Variants in BTRC observed in about 807,000 individuals in gnomAD.
The protein encoded by BTRC is F-box/WD repeat-containing protein 1A.
A neutral mutation model predicts 85.5 loss-of-function variants in BTRC; 42 were observed. The observed-to-expected ratio is 0.49, with a 90% CI of 0.38 to 0.64. BTRC has a LOEUF of 0.64. Among genes scored for constraint, BTRC ranks in the 30% least tolerant of loss-of-function variants. The pLI is 0.00. For synonymous variants in BTRC, 255 were observed against 263.3 expected (o/e 0.97, Z 0.30); for missense variants, 594 against 743.5 (o/e 0.80, Z 2.34).
In BTRC at chr10:101,409,031, A is replaced by G. The variant is rs534679242; in HGVS notation, c.49-21314A>G. Among the ~76,000 whole-genome samples the G allele has an allele frequency of 6.6e-5, 10 of 152,298 alleles. No homozygotes were observed. The East Asian group carries it at 1.9e-3, about 29-fold the overall frequency. ...GCCACTGCACTCCAGCCTGGGCGACAAGAGCAAAACTCCATCTCAAAACAA... is the reference window on the plus strand; with the variant it reads ...GCCACTGCACTCCAGCCTGGGCGACGAGAGCAAAACTCCATCTCAAAACAA... On this transcript the variant is annotated intron_variant, in intron 1 of 14. Transcript: ENST00000370187.
intron 1 of BTRC, among the ~76,000 whole-genome samples, chr10:101,401,157 A>G (rs1943483109): frequency 1.3e-5 from 2 of 152,242 alleles, no homozygotes; most frequent in African/African-American, 4.8e-5. Context: ...ATGAAGTTTC[A>G]GAATAGCCAA....
At chr10:101,401,335 C>G (rs911777698) in intron 1 of BTRC, among the ~76,000 whole-genome samples, 1 of 152,156 alleles carries the variant, frequency 6.6e-6, no homozygotes, top group African/African-American at 2.4e-5. Context: ...AACAGTGTGG[C>G]AAAGAGTGTA....
intron 1 of BTRC, among the ~76,000 whole-genome samples, chr10:101,396,013 AG>A (rs1943353173): frequency 6.6e-6 from 1 of 152,024 alleles, no homozygotes; most frequent in Non-Finnish European, 1.5e-5. Context: ...TCCCAGCTCT[AG>A]GGAGAGGTTT....
intron 1 of BTRC, among the ~76,000 whole-genome samples, chr10:101,393,952 T>A (rs1030913516): frequency 6.6e-6 from 1 of 152,242 alleles, no homozygotes; most frequent in South Asian, 2.1e-4. Flanking sequence ...GCCAGTGTAA[T>A]GCAGACTTCG....
rs545259665 is a variant in BTRC, at chr10:101,368,517, T to C, written c.48+14289T>C. 2.3e-3 allele frequency among the ~76,000 whole-genome samples: 289 copies of C among 123,676 alleles called. 1 individual carries two copies. The highest frequency in any genetic ancestry group is 7.3e-3 in the African/African-American group (231 of 31,650). 81.1% of individuals were successfully genotyped at this position (123,676 alleles called of 152,430 possible). ...TTTTTAGAGACAGGGTCTCACTCTG[T>C]TGCCCAGGCCGGAGTGCAGTGGCAT... On this transcript the variant is annotated intron_variant, in intron 1 of 14. Transcript: ENST00000370187.
chr10:101,354,686 A>G (rs1941983322), intron 1 of BTRC: 1 of 181,240 alleles, frequency 5.5e-6, no homozygotes, highest in South Asian at 1.3e-4. Flanking sequence ...TACGGTGGGT[A>G]GAGGGGAACG....
At chr10:101,357,691 T>G (rs959267999) in intron 1 of BTRC, among the ~76,000 whole-genome samples, 4 of 152,182 alleles carry the variant, frequency 2.6e-5, no homozygotes, top group Non-Finnish European at 5.9e-5. Context: ...TCTCACAAAT[T>G]TGCTCATTGC....
At position 101,521,652 on chromosome 10, in the gene BTRC, A is replaced by C; in HGVS notation, c.338A>C (p.Asn113Thr). 6.2e-7 allele frequency: 1 copy of C among 1,613,788 alleles called. No homozygotes were observed. The change falls in exon 5 of 15, where the codon AAT (asparagine) becomes ACT (threonine). Residue 113 changes from asparagine (N) to threonine (T), a missense_variant. Around this residue, in one of 4 missense-constraint regions of BTRC, gnomAD observed 163 missense variants for 180.5 expected, o/e 0.90. Coordinates refer to ENST00000370187, the MANE Select transcript of BTRC (RefSeq NM_033637.4). Reference protein sequence around the residue: ...ENCVAKTKLANGTSSMIVPKQ... With the variant: ...ENCVAKTKLATGTSSMIVPKQ... The stretch of plus-strand genomic sequence containing the variant: ...CCCCTTCTACAGACAAAACTTGCCA[A>C]TGGCACTTCCAGTATGATTGTGCCC...
intron 4 of BTRC, among the ~76,000 whole-genome samples, chr10:101,488,336 T>A (rs750296813): frequency 6.6e-6 from 1 of 152,234 alleles, no homozygotes; most frequent in African/African-American, 2.4e-5. Flanking sequence ...TTACCTGTGC[T>A]ATTGACTTCT....
chr10:101,492,351 G>A (rs542646170), intron 4 of BTRC, among the ~76,000 whole-genome samples: 10 of 152,234 alleles, frequency 6.6e-5, no homozygotes, highest in East Asian at 1.9e-4. Flanking sequence ...AGTCTGTAGC[G>A]TGACTCTGTA....
intron 1 of BTRC, among the ~76,000 whole-genome samples, chr10:101,422,172 G>A (rs1259821777): frequency 6.6e-6 from 1 of 152,162 alleles, no homozygotes; most frequent in African/African-American, 2.4e-5. Flanking sequence ...TCTAACTGGC[G>A]TGAGATGGTA....
In BTRC at chr10:101,536,581, TAGA is replaced by T; in HGVS notation, c.1508_1510del (p.Glu503del). The T allele has an allele frequency of 6.2e-7, 1 of 1,613,934 alleles. No homozygotes were observed. The highest frequency in any genetic ancestry group is 8.5e-7 in the Non-Finnish European group (1 of 1,179,844). On this transcript the variant is annotated inframe_deletion, in exon 12 of 15. Transcript: ENST00000370187. ...GAATGTGGTGCATGTTTACGAGTGT[TAGA>T]AGGCCATGAGGAATTGGTGCGTTGT...
At chr10:101,385,390 G>GA (rs1318790519) in intron 1 of BTRC, among the ~76,000 whole-genome samples, 3 of 141,706 alleles carry the variant, frequency 2.1e-5, no homozygotes, top group Non-Finnish European at 3.1e-5. Context: ...AAAAAGAAAA[G>GA]AAAAAAAGTG....
intron 1 of BTRC, among the ~76,000 whole-genome samples, chr10:101,392,743 C>G (rs1241045073): frequency 6.6e-6 from 1 of 152,100 alleles, no homozygotes; most frequent in Non-Finnish European, 1.5e-5. Context: ...AGACTGGTCT[C>G]GAACTCCTGA....
chr10:101,366,952 A>ATATTTT (rs1281744038), intron 1 of BTRC, among the ~76,000 whole-genome samples: 4 of 55,434 alleles, frequency 7.2e-5, no homozygotes, highest in Admixed American at 3.5e-4. Flanking sequence ...ATATATTTAT[A>ATATTTT]TATATATTTA....
intron 1 of BTRC, among the ~76,000 whole-genome samples, chr10:101,395,544 A>G (rs1943342692): frequency 6.6e-6 from 1 of 152,218 alleles, no homozygotes. Flanking sequence ...TCTCCTTAAT[A>G]AAAATGGCTA....
chr10:101,457,930 A>G (rs894002558), intron 2 of BTRC, among the ~76,000 whole-genome samples: 2 of 152,180 alleles, frequency 1.3e-5, no homozygotes, highest in African/African-American at 4.8e-5. Context: ...TTAACATGTT[A>G]CCATATTTGT....
intron 1 of BTRC, among the ~76,000 whole-genome samples, chr10:101,394,280 A>G (rs938951652): frequency 1.3e-5 from 2 of 152,210 alleles, no homozygotes; most frequent in Non-Finnish European, 2.9e-5. Flanking sequence ...TGGAAATGGG[A>G]TATTTTTAGA....
intron 4 of BTRC, among the ~76,000 whole-genome samples, chr10:101,481,140 C>T (rs986133724): frequency 6.6e-6 from 1 of 151,978 alleles, no homozygotes; most frequent in Non-Finnish European, 1.5e-5. Flanking sequence ...GATGAGGTGT[C>T]GCTGTATTGC....
Sources: allele counts gnomAD v4.1 joint callset (sites outside exome capture counted in the v4.1 genomes callset), GRCh38; gene constraint gnomAD v4.1.1; regional missense constraint gnomAD v4.1.1; transcripts MANE v1.5; gene names NCBI Gene and HGNC (gene_info 2026-07-23, HGNC 2026-07-21).